The following DDX52 variants were observed in gnomAD, a reference collection of about 807,000 sequenced individuals.
DDX52 encodes the protein probable ATP-dependent RNA helicase DDX52.
Under a neutral mutation model 76.1 loss-of-function variants are expected in DDX52, and 59 were observed. The observed-to-expected ratio is 0.78, with a 90% CI of 0.63 to 0.96. The LOEUF is 0.96. DDX52 is among the 40% of genes least tolerant of loss of function. DDX52 has a pLI of 0.00. For missense variants in DDX52, 707 were observed against 703.9 expected (o/e 1.00, Z -0.05); for synonymous variants, 231 against 244.1 (o/e 0.95, Z 0.50).
At position 37,616,014 on chromosome 17, in the gene DDX52, A is replaced by G. The variant is rs2064421873; in HGVS notation, c.1743-1661T>C. On this transcript the variant is annotated intron_variant, in intron 14 of 14. Coordinates refer to ENST00000617633, the MANE Select transcript of DDX52 (RefSeq NM_007010.5). The stretch of plus-strand genomic sequence containing the variant: ...AGCAACAGAGATTCCATCTCAAAAC[A>G]AAAACAAATCAGCATTTAAAGTATA... Among the ~76,000 whole-genome samples the G allele has an allele frequency of 2.6e-5, 4 of 152,228 alleles. No individual in the cohort carries two copies. The South Asian group carries it at 8.3e-4, about 32-fold the overall frequency.
chr17:37,613,961 C>A lies in DDX52; in HGVS notation c.*335G>T. ...ATGAATGTTATTTCCATTGTATAAT[C>A]ATTTAAAAGTCACCTACAGAGCTGG... is the stretch of plus-strand genomic sequence containing the variant. On this transcript the variant is annotated 3_prime_UTR_variant, in exon 15 of 15. Transcript: ENST00000617633. 4.5e-6 allele frequency: 1 copy of A among 219,796 alleles called. No individual in the cohort carries two copies. Among genetic ancestry groups the A allele is most frequent in the Non-Finnish European group, 8.8e-6 (1 of 113,022 alleles). 13.6% of individuals were successfully genotyped at this position (219,796 alleles called of 1,614,324 possible).
intron 1 of DDX52, 142 bp from the exon 2 acceptor site, chr17:37,642,450 T>A: frequency 1.1e-6 from 1 of 906,614 alleles, no homozygotes. Flanking sequence ...ACAAATGGAA[T>A]CTGAAGAGAC....
At chr17:37,625,864 AGT>A (rs1440871912) in intron 8 of DDX52, 29 bp downstream of exon 8, 3 of 1,609,994 alleles carry the variant, frequency 1.9e-6, no homozygotes, top group African/African-American at 2.7e-5. Context: ...AAAAAAAATC[AGT>A]GTGATAATGT....
chr17:37,622,594 G>C (rs747291328), intron 9 of DDX52, among the ~76,000 whole-genome samples: 6 of 152,044 alleles, frequency 3.9e-5, no homozygotes, highest in Non-Finnish European at 8.8e-5. Context: ...ACGCCTGGCC[G>C]AGTTTCTTAG....
intron 2 of DDX52, among the ~76,000 whole-genome samples, chr17:37,640,970 C>T (rs1367649699): frequency 2.0e-5 from 3 of 151,900 alleles, no homozygotes; most frequent in African/African-American, 4.8e-5. Flanking sequence ...GGCAACAGAG[C>T]GAGACTCTGT....
chr17:37,618,481 ATTT>A lies in DDX52; in HGVS notation c.1650-100_1650-98del, dbSNP rs377365663. On this transcript the variant is annotated intron_variant, in intron 13 of 14. Coordinates refer to ENST00000617633, the MANE Select transcript of DDX52 (RefSeq NM_007010.5). ...GTTTTGATCCTTGATCACAAAATTC[ATTT>A]TTTTTTTTTCCTTTGAGACGGAGTT... 8.3e-4 allele frequency: 707 copies of A among 856,052 alleles called. 1 individual carries two copies. In the African/African-American group the frequency reaches 0.012, roughly 14 times the overall value. The allele number at this position is 856,052 out of a possible 1,614,324, so 53.0% of individuals were successfully genotyped here.
intron 12 of DDX52, chr17:37,620,139 G>C (rs1488258762): frequency 6.6e-6 from 2 of 303,146 alleles, no homozygotes; most frequent in African/African-American, 4.3e-5. Flanking sequence ...CCAGAGTCAA[G>C]CTTAAATTCA....
rs2064369542 is a variant in DDX52, at chr17:37,611,842, T to A, written c.*2454A>T. ...GAGTGTTGGTGGCCCGCACCTATAG[T>A]ACCAGCTACTCGGGAGGCTGAGGTT... On this transcript the variant is annotated 3_prime_UTR_variant, in exon 15 of 15. Transcript: ENST00000617633. 6.7e-6 allele frequency: 1 copy of A among 150,112 alleles called. No homozygotes were observed. Among genetic ancestry groups the A allele is most frequent in the African/African-American group, 2.5e-5 (1 of 40,796 alleles). 9.3% of individuals were successfully genotyped at this position (150,112 alleles called of 1,614,324 possible). A position where few individuals can be genotyped will look rare whatever the true frequency, so the allele number is the denominator to read the frequency against.
Position 37,635,586 on chromosome 17 carries a change from T to C in DDX52, c.287-2168A>G, listed in dbSNP as rs150314028. On this transcript the variant is annotated intron_variant, in intron 2 of 14. Transcript: ENST00000617633. ...CTAGGTAGTATTCCATTGTAATGGA[T>C]GTACAGTTCATCATTCACCTGATGA... is the stretch of plus-strand genomic sequence containing the variant. 7.7e-3 allele frequency: 3,491 copies of C among 455,958 alleles called. 106 individuals carry two copies. The highest frequency in any genetic ancestry group is 0.044 in the South Asian group (2,821 of 64,520). The allele number at this position is 455,958 out of a possible 1,614,324, so 28.2% of individuals were successfully genotyped here. A position where few individuals can be genotyped will look rare whatever the true frequency, so the allele number is the denominator to read the frequency against.
chr17:37,614,230 T>C lies in DDX52; in HGVS notation c.*66A>G. On this transcript the variant is annotated 3_prime_UTR_variant, in exon 15 of 15. Transcript: ENST00000617633. ...TGACTGTAAGACTTCAAGTATTCCA[T>C]GAAAATAACATTCATGCTGGGATCA... The C allele has an allele frequency of 4.6e-6, 7 of 1,534,890 alleles. No homozygotes were observed. Among genetic ancestry groups the C allele is most frequent in the African/African-American group, 1.4e-5 (1 of 72,584 alleles).
chr17:37,626,121 G>A (rs890910678), intron 7 of DDX52, 23 bp from the exon 8 acceptor site: 3 of 1,612,804 alleles, frequency 1.9e-6, no homozygotes, highest in Non-Finnish European at 1.7e-6. Context: ...AAAACAACTT[G>A]TGGATACTGA....
intron 2 of DDX52, among the ~76,000 whole-genome samples, chr17:37,638,936 A>G (rs1378629162): frequency 2.0e-5 from 3 of 151,634 alleles, no homozygotes; most frequent in Non-Finnish European, 4.4e-5. Context: ...TATCTGGCTA[A>G]TTTTTTTATA....
In DDX52 at chr17:37,621,267, G is replaced by C. The variant is rs959946639; in HGVS notation, c.1361C>G (p.Thr454Arg). The C allele has an allele frequency of 8.7e-6, 14 of 1,610,516 alleles. No homozygotes were observed. The highest frequency in any genetic ancestry group is 1.6e-4 in the Middle Eastern group (1 of 6,062). Residue 454 changes from threonine to arginine, a missense_variant, in exon 11 of 15, where the codon ACA becomes AGA. Thr to Arg is a moderately conservative substitution (Grantham distance 71, BLOSUM62 -1). Coordinates refer to ENST00000617633, the MANE Select transcript of DDX52 (RefSeq NM_007010.5). Reference protein sequence around the residue: ...AERTQQQRDNTVHSFRAGKIW... With the variant: ...AERTQQQRDNRVHSFRAGKIW... ...TTTTCCTGCTCTGAAACTGTGGACT[G>C]TGTTATCTCTCTGGTTAACAGAATA...
chr17:37,633,519 G>GGTGGTGCAA, intron 2 of DDX52, 101 bp from the exon 3 acceptor site: 1 of 952,652 alleles, frequency 1.0e-6, no homozygotes. Context: ...AAGGGTGGGT[G>GGTGGTGCAA]GTGGTGCAAG....
chr17:37,641,357 G>A (rs559249046), intron 2 of DDX52, among the ~76,000 whole-genome samples: 1 of 150,356 alleles, frequency 6.7e-6, no homozygotes, highest in South Asian at 2.1e-4. Context: ...AGCCGAGATT[G>A]CACCACTGCA....
intron 14 of DDX52, 36 bp from the exon 15 acceptor site, chr17:37,614,389 A>G (rs1436141711): frequency 2.5e-6 from 4 of 1,593,090 alleles, no homozygotes; most frequent in Non-Finnish European, 3.4e-6. Context: ...TGAATAAAAA[A>G]TTCTACGTAT....
chr17:37,625,881 A>G lies in DDX52; in HGVS notation c.1136+14T>C, dbSNP rs2030340338. 1 of 1,613,650 alleles carries G rather than the reference A, an allele frequency of 6.2e-7. No individual in the cohort carries two copies. The highest frequency in any genetic ancestry group is 1.3e-5 in the African/African-American group (1 of 74,910). On this transcript the variant is annotated intron_variant, in intron 8 of 14. Coordinates refer to ENST00000617633, the MANE Select transcript of DDX52 (RefSeq NM_007010.5). ...AAAAAATCAGTGTGATAATGTTGAG[A>G]AACAATTAAATACCTTGCTCCAATG...
chr17:37,617,932 G>A (rs576430341), intron 14 of DDX52, among the ~76,000 whole-genome samples: 1 of 152,164 alleles, frequency 6.6e-6, no homozygotes, highest in East Asian at 1.9e-4. Flanking sequence ...CCAACATGGT[G>A]AAACTCCGTG....
At chr17:37,617,046 T>A (rs572355955) in intron 14 of DDX52, among the ~76,000 whole-genome samples, 2 of 152,190 alleles carry the variant, frequency 1.3e-5, no homozygotes, top group Non-Finnish European at 2.9e-5. Flanking sequence ...TCTTATCTCC[T>A]ATTTTATTTA....
Sources: allele counts gnomAD v4.1 joint callset (sites outside exome capture counted in the v4.1 genomes callset), GRCh38; gene constraint gnomAD v4.1.1; transcripts MANE v1.5; gene names NCBI Gene and HGNC (gene_info 2026-07-23, HGNC 2026-07-21).